The following RBMS1 variants were observed in gnomAD, a reference collection of about 807,000 sequenced individuals.
RBMS1 encodes RNA-binding motif, single-stranded-interacting protein 1.
RBMS1 carries 17 observed loss-of-function variants against 62.3 expected under a neutral mutation model. The ratio of observed to expected loss-of-function variants is 0.27; its 90% confidence interval spans 0.19 to 0.41. RBMS1 has a LOEUF of 0.41. RBMS1 is among the 10% of genes least tolerant of loss of function. The pLI, the probability that RBMS1 is intolerant of heterozygous loss-of-function variation, is 1.00. For missense variants in RBMS1, 334 were observed against 504.5 expected, an observed-to-expected ratio of 0.66 and a Z score of 3.24; for synonymous variants, 172 against 170.0, an observed-to-expected ratio of 1.01 and a Z score of -0.09.
intron 1 of RBMS1, among the ~76,000 whole-genome samples, chr2:160,405,772 G>C (rs1393493297): frequency 6.6e-6 from 1 of 152,130 alleles, no homozygotes; most frequent in Non-Finnish European, 1.5e-5. Flanking sequence ...AAAACCTCCA[G>C]CCCCTCACAG....
At chr2:160,310,493 G>A (rs911551439) in intron 4 of RBMS1, among the ~76,000 whole-genome samples, 1 of 152,148 alleles carries the variant, frequency 6.6e-6, no homozygotes, top group African/African-American at 2.4e-5. Flanking sequence ...TACGCTTCAT[G>A]GAGTTTGGCT....
chr2:160,460,485 G>A (rs936423187), intron 1 of RBMS1, among the ~76,000 whole-genome samples: 4 of 152,208 alleles, frequency 2.6e-5, no homozygotes, highest in African/African-American at 7.2e-5. Context: ...GTAAGGTCAC[G>A]CAGGACAACT....
At chr2:160,393,989 T>C (rs1343255077) in intron 1 of RBMS1, among the ~76,000 whole-genome samples, 1 of 152,188 alleles carries the variant, frequency 6.6e-6, no homozygotes, top group Non-Finnish European at 1.5e-5. Context: ...CATTATATAC[T>C]GAACATTCCT....
At position 160,375,298 on chromosome 2, in the gene RBMS1, G is replaced by C. The variant is rs1048778523; in HGVS notation, c.76-7907C>G. Among the ~76,000 whole-genome samples the C allele has an allele frequency of 4.6e-5, 7 of 152,126 alleles. No homozygotes were observed. The South Asian group carries it at 1.2e-3, about 27-fold the overall frequency. On this transcript the variant is annotated intron_variant, in intron 1 of 13. Coordinates refer to ENST00000348849, the MANE Select transcript of RBMS1 (RefSeq NM_016836.4). ...TTAAGACCAACAGACATCATACTGC[G>C]GCACCATTTTCCTATGCCCCTTAGG... is the stretch of plus-strand genomic sequence containing the variant.
At chr2:160,446,461 T>C (rs1437914447) in intron 1 of RBMS1, among the ~76,000 whole-genome samples, 2 of 152,208 alleles carry the variant, frequency 1.3e-5, no homozygotes, top group Non-Finnish European at 2.9e-5. Context: ...GGACACCTCT[T>C]TTACTTGCGA....
At chr2:160,405,784 C>T (rs1468731474) in intron 1 of RBMS1, among the ~76,000 whole-genome samples, 1 of 152,158 alleles carries the variant, frequency 6.6e-6, no homozygotes, top group Non-Finnish European at 1.5e-5. Context: ...CCCTCACAGC[C>T]AAAGGCCTCG....
At chr2:160,363,772 A>G (rs1184145665) in intron 2 of RBMS1, among the ~76,000 whole-genome samples, 1 of 152,204 alleles carries the variant, frequency 6.6e-6, no homozygotes, top group Non-Finnish European at 1.5e-5. Context: ...AACAAATAAA[A>G]TATTCAAATG....
chr2:160,427,197 G>C (rs554496788), intron 1 of RBMS1, among the ~76,000 whole-genome samples: 24 of 152,226 alleles, frequency 1.6e-4, no homozygotes, highest in African/African-American at 5.1e-4. Context: ...CAATATCCAA[G>C]TTACGTTAAT....
At chr2:160,303,192 A>T in intron 5 of RBMS1, 138 bp downstream of exon 5, 1 of 797,528 alleles carries the variant, frequency 1.3e-6, no homozygotes, top group Non-Finnish European at 1.9e-6. Flanking sequence ...TCTGGTATTT[A>T]CACATAATTT....
At chr2:160,472,748 A>T (rs1276908900) in intron 1 of RBMS1, among the ~76,000 whole-genome samples, 1 of 152,228 alleles carries the variant, frequency 6.6e-6, no homozygotes, top group African/African-American at 2.4e-5. Flanking sequence ...TAAGTATTGC[A>T]TTCTTTGACA....
chr2:160,299,209 T>G (rs115053452), intron 6 of RBMS1, among the ~76,000 whole-genome samples: 142 of 152,320 alleles, frequency 9.3e-4, no homozygotes, highest in Non-Finnish European at 1.7e-3. Flanking sequence ...AAGTGAAGAC[T>G]ACACTTTTAA....
intron 1 of RBMS1, among the ~76,000 whole-genome samples, chr2:160,462,488 AG>A (rs1684508023): frequency 6.6e-6 from 1 of 152,216 alleles, no homozygotes; most frequent in Non-Finnish European, 1.5e-5. Context: ...CTTTAAACCT[AG>A]GCGGTTTTTG....
At chr2:160,393,120 G>C (rs1176076411) in intron 1 of RBMS1, among the ~76,000 whole-genome samples, 2 of 151,976 alleles carry the variant, frequency 1.3e-5, no homozygotes, top group Admixed American at 6.6e-5. Context: ...TCAGTTAAAG[G>C]GTAGACTAAC....
intron 2 of RBMS1, among the ~76,000 whole-genome samples, chr2:160,351,180 G>A (rs1692476745): frequency 6.8e-6 from 1 of 148,114 alleles, no homozygotes; most frequent in Non-Finnish European, 1.5e-5. Context: ...CTGTCGTGGG[G>A]TAGGGGGAGG....
At chr2:160,281,272 A>C (rs980131798) in intron 10 of RBMS1, 42 bp downstream of exon 10, 16 of 1,515,904 alleles carry the variant, frequency 1.1e-5, no homozygotes, top group Non-Finnish European at 1.4e-5. Context: ...TATACACATA[A>C]CTTACTTGTA....
rs540031055 is a variant in RBMS1, at chr2:160,491,084, T to C, written c.75+2205A>G. 6.5e-5 allele frequency among the ~76,000 whole-genome samples: 9 copies of C among 137,870 alleles called. No individual in the cohort carries two copies. The South Asian group carries it at 1.5e-3, about 23-fold the overall frequency. The allele number at this position is 137,870 out of a possible 152,430, so 90.4% of individuals were successfully genotyped here. On this transcript the variant is annotated intron_variant, in intron 1 of 13. Transcript: ENST00000348849. ...TTTAAATGATTCAACATTACTACCA[T>C]GCTACCAACAGATACATAAGGGAGA...
intron 1 of RBMS1, among the ~76,000 whole-genome samples, chr2:160,395,585 CT>C (rs1695095705): frequency 7.0e-6 from 1 of 142,942 alleles, no homozygotes; most frequent in Non-Finnish European, 1.5e-5. Context: ...GATCGCGCCA[CT>C]GCACTCCAGC....
Position 160,303,364 on chromosome 2 carries a change from A to C in RBMS1, c.526T>G (p.Ser176Ala), listed in dbSNP as rs1689319415. Reference sequence around the variant, plus strand: ...CCAACACCACGACTTGTACCACTGGAATCACGTAGTATCCTTGTAGAAATA... The same window carrying C: ...CCAACACCACGACTTGTACCACTGGCATCACGTAGTATCCTTGTAGAAATA... ...QVISTRILRD[S>A]SGTSRGVGFA... Residue 176 changes from serine to alanine, a missense_variant, in exon 5 of 14, where the codon TCC becomes GCC. By Grantham distance (99) the Ser-to-Ala change is moderately conservative. Coordinates refer to ENST00000348849, the MANE Select transcript of RBMS1 (RefSeq NM_016836.4). 6.2e-7 allele frequency: 1 copy of C among 1,612,520 alleles called. No individual in the cohort carries two copies. The highest frequency in any genetic ancestry group is 1.7e-4 in the Middle Eastern group (1 of 6,002).
intron 1 of RBMS1, among the ~76,000 whole-genome samples, chr2:160,446,847 C>G (rs898382231): frequency 3.3e-5 from 5 of 152,188 alleles, no homozygotes; most frequent in Non-Finnish European, 5.9e-5. Flanking sequence ...TGACTTTTCT[C>G]TCCATTCTTG....
Sources: gnomAD v4.1 joint callset for allele counts (sites outside exome capture counted in the v4.1 genomes callset) on GRCh38, gnomAD v4.1.1 for gene constraint, MANE v1.5 for transcripts, NCBI Gene and HGNC (gene_info 2026-07-23, HGNC 2026-07-21) for gene names.